SMCHD1: variants seen among roughly 807,000 people sequenced by gnomAD.
SMCHD1 encodes the protein structural maintenance of chromosomes flexible hinge domain containing 1, also known as structural maintenance of chromosomes flexible hinge domain-containing protein 1.
Under a neutral mutation model 254.7 loss-of-function variants are expected in SMCHD1, and 78 were observed. The ratio of observed to expected loss-of-function variants is 0.31; its 90% CI spans 0.26 to 0.37. SMCHD1 has a LOEUF of 0.37. Ranked by LOEUF, SMCHD1 falls within the 10% of genes least tolerant of loss-of-function variation. The pLI is 1.00. For missense variants in SMCHD1, 1,840 were observed against 2,408.1 expected (o/e 0.76, Z 4.94); for synonymous variants, 766 against 794.9 (o/e 0.96, Z 0.61).
At chr18:2,707,957 T>C (rs536997829) in intron 17 of SMCHD1, 37 bp downstream of exon 17, 3 of 1,211,084 alleles carry the variant, frequency 2.5e-6, no homozygotes, top group Non-Finnish European at 3.4e-6. Context: ...TTAATATTGT[T>C]TTTAAAATAT....
At chr18:2,756,871 G>A (rs1193246373) in intron 34 of SMCHD1, among the ~76,000 whole-genome samples, 1 of 152,080 alleles carries the variant, frequency 6.6e-6, no homozygotes, top group African/African-American at 2.4e-5. Context: ...TTTATTTTCT[G>A]TAAGATCTGT....
In SMCHD1 at chr18:2,660,256, C is replaced by T. The variant is rs549550641; in HGVS notation, c.186+3995C>T. 1.4e-4 allele frequency among the ~76,000 whole-genome samples: 21 copies of T among 152,068 alleles called. No individual in the cohort carries two copies. In the East Asian group the frequency reaches 2.1e-3, roughly 15 times the overall value. On this transcript the variant is annotated intron_variant, in intron 1 of 47. Transcript: ENST00000320876. ...GGGAGAATTACTTGAACCCGGGAGTCGGAAGTTGCAGCGAGCTGAGAACGC... is the reference window on the plus strand; with the variant it reads ...GGGAGAATTACTTGAACCCGGGAGTTGGAAGTTGCAGCGAGCTGAGAACGC...
At chr18:2,704,332 T>TTTTG (rs760486817) in intron 13 of SMCHD1, among the ~76,000 whole-genome samples, 4 of 152,168 alleles carry the variant, frequency 2.6e-5, no homozygotes, top group Non-Finnish European at 4.4e-5. Flanking sequence ...TCTCAGTGTT[T>TTTTG]TTTGTTTGTT....
At position 2,750,524 on chromosome 18, in the gene SMCHD1, C is replaced by T. The variant is rs560531170; in HGVS notation, c.4165+17C>T. 9.0e-6 allele frequency: 14 copies of T among 1,561,168 alleles called. No individual in the cohort carries two copies. In the South Asian group the frequency reaches 1.2e-4, roughly 13 times the overall value. On this transcript the variant is annotated intron_variant, in intron 32 of 47. Transcript: ENST00000320876. The stretch of plus-strand genomic sequence containing the variant: ...TTTTCACTGGTGAGTATTTCACATA[C>T]ATAAATAAATCTATAATGATAATTT...
Position 2,802,578 on chromosome 18 carries a change from GGTCTCA to G in SMCHD1, c.*29_*34del. On this transcript the variant is annotated 3_prime_UTR_variant, in exon 48 of 48. Coordinates refer to ENST00000320876, the MANE Select transcript of SMCHD1 (RefSeq NM_015295.3). ...GAGGTGACAGAGAGAAGAGGCCATT[GGTCTCA>G]GTAAGAATGCCCTGCTTTCTGCATC... The G allele has an allele frequency of 6.5e-7, 1 of 1,545,942 alleles. No individual in the cohort carries two copies. Among genetic ancestry groups the G allele is most frequent in the Non-Finnish European group, 8.7e-7 (1 of 1,144,036 alleles).
chr18:2,710,606 C>A (rs2074644723), intron 17 of SMCHD1, among the ~76,000 whole-genome samples: 1 of 152,060 alleles, frequency 6.6e-6, no homozygotes, highest in Admixed American at 6.6e-5. Flanking sequence ...CATATATGAA[C>A]ATGTCATTTA....
chr18:2,748,670 C>T (rs573447928), intron 30 of SMCHD1, among the ~76,000 whole-genome samples: 2 of 152,124 alleles, frequency 1.3e-5, no homozygotes, highest in East Asian at 1.9e-4. Flanking sequence ...GCTGGGATTA[C>T]AGGTGTGAGC....
chr18:2,731,128 C>T (rs976968940), intron 24 of SMCHD1, among the ~76,000 whole-genome samples: 1 of 152,134 alleles, frequency 6.6e-6, no homozygotes, highest in Non-Finnish European at 1.5e-5. Context: ...AAGTAAGATA[C>T]AACAGAAGAT....
At chr18:2,704,519 A>C (rs1001292786) in intron 13 of SMCHD1, among the ~76,000 whole-genome samples, 3 of 152,198 alleles carry the variant, frequency 2.0e-5, no homozygotes, top group African/African-American at 7.2e-5. Flanking sequence ...GTGTAAGCAT[A>C]AATAATAGGT....
chr18:2,722,636 CT>C lies in SMCHD1; in HGVS notation c.2577del (p.Asp860IlefsTer18). 1 of 1,611,986 alleles carries C rather than the reference CT, an allele frequency of 6.2e-7. No homozygotes were observed. Among genetic ancestry groups the C allele is most frequent in the Non-Finnish European group, 8.5e-7 (1 of 1,179,216 alleles). On this transcript the variant is annotated frameshift_variant, in exon 20 of 48. Coordinates refer to ENST00000320876, the MANE Select transcript of SMCHD1 (RefSeq NM_015295.3). LOFTEE classifies it high-confidence loss of function. ...TTTGGTCATACCAGTCAACTAGTAA[CT>C]GATATTCAGCCAGTTCTTGAAGCAA... ...DEFGHTSQLV[T>X]DIQPVLEASG... is the part of the protein sequence containing the mutation.
At position 2,700,532 on chromosome 18, in the gene SMCHD1, G is replaced by C. The variant is rs959217310; in HGVS notation, c.1343-7G>C. 35 of 1,598,772 alleles carry C rather than the reference G, an allele frequency of 2.2e-5. No individual in the cohort carries two copies. The highest frequency in any genetic ancestry group is 4.1e-5 in the African/African-American group (3 of 73,998). ...AACATTTTGTTCCATTTGCCCTTTT[G>C]ATCTAGAATTAAAAGATGAAGATGA... On this transcript the variant is annotated splice_region_variant and splice_polypyrimidine_tract_variant and intron_variant, in intron 10 of 47. Transcript: ENST00000320876.
At position 2,718,172 on chromosome 18, in the gene SMCHD1, A is replaced by G; in HGVS notation, c.2275A>G (p.Lys759Glu). ...KVILHSSSGN[K>E]EIISHISQHG... The stretch of plus-strand genomic sequence containing the variant: ...CTTTTATTAAGCTTCAAGTGGAAAT[A>G]AAGAGATTATTTCGCATATTAGTCA... Residue 759 changes from lysine (K) to glutamate (E), a missense_variant, in exon 18 of 48, where the codon AAA (lysine) becomes GAA (glutamate). Around this residue, in one of 9 missense-constraint regions of SMCHD1, gnomAD observed 498 missense variants for 743.5 expected, o/e 0.67. Coordinates refer to ENST00000320876, the MANE Select transcript of SMCHD1 (RefSeq NM_015295.3). The surrounding 1 kb of genome is among the most constrained non-coding windows in gnomAD (Gnocchi z 4.6). 1 of 1,610,292 alleles carries G rather than the reference A, an allele frequency of 6.2e-7. No homozygotes were observed. The highest frequency in any genetic ancestry group is 1.3e-5 in the African/African-American group (1 of 74,864).
chr18:2,798,524 A>G (rs1454596939), intron 47 of SMCHD1, among the ~76,000 whole-genome samples: 1 of 152,252 alleles, frequency 6.6e-6, no homozygotes, highest in East Asian at 1.9e-4. Flanking sequence ...TATATAGAAA[A>G]GACATGTGTA....
At chr18:2,747,726 G>T in intron 30 of SMCHD1, 79 bp downstream of exon 30, 3 of 1,105,504 alleles carry the variant, frequency 2.7e-6, no homozygotes, top group South Asian at 4.1e-5. Flanking sequence ...CTGTCATATT[G>T]CTTCTTTTCT....
chr18:2,726,674 C>T, intron 22 of SMCHD1, 150 bp downstream of exon 22: 1 of 348,588 alleles, frequency 2.9e-6, no homozygotes, highest in Non-Finnish European at 5.1e-6. Flanking sequence ...ACAGAAATGA[C>T]CAGTTTTTAA....
chr18:2,707,867 C>T lies in SMCHD1; in HGVS notation c.2207C>T (p.Thr736Ile). Residue 736 changes from threonine to isoleucine, a missense_variant, in exon 17 of 48, where the codon ACA becomes ATA. Physicochemically the swap from Thr to Ile is moderately conservative, Grantham distance 89. Around this residue, in one of 9 missense-constraint regions of SMCHD1, gnomAD observed 498 missense variants for 743.5 expected, o/e 0.67. Coordinates refer to ENST00000320876, the MANE Select transcript of SMCHD1 (RefSeq NM_015295.3). ...KGEAMQKLPG[T>I]SHGGSKKLLV... ...GAAGCAATGCAAAAGCTTCCAGGAA[C>T]AAGCCATGGAGGGTCAAAGAAACTC... 1 of 1,609,616 alleles carries T rather than the reference C, an allele frequency of 6.2e-7. No individual in the cohort carries two copies. The highest frequency in any genetic ancestry group is 8.5e-7 in the Non-Finnish European group (1 of 1,178,042).
chr18:2,683,113 C>T (rs2073967851), intron 5 of SMCHD1, among the ~76,000 whole-genome samples: 1 of 152,072 alleles, frequency 6.6e-6, no homozygotes, highest in African/African-American at 2.4e-5. Context: ...TGAGCTTCTC[C>T]TTTCTCTAAA....
rs1251005672 is a variant in SMCHD1, at chr18:2,669,906, C to A, written c.424+2875C>A. Among the ~76,000 whole-genome samples the A allele has an allele frequency of 3.3e-5, 5 of 152,284 alleles. No homozygotes were observed. In the East Asian group the frequency reaches 9.6e-4, roughly 29 times the overall value. ...ACTTGTATTTCTCATACCTCTCATA[C>A]CTCTTAATCTGACAGAAAATCCTTT... On this transcript the variant is annotated intron_variant, in intron 3 of 47. Coordinates refer to ENST00000320876, the MANE Select transcript of SMCHD1 (RefSeq NM_015295.3).
chr18:2,700,278 C>T (rs559564407), intron 10 of SMCHD1, among the ~76,000 whole-genome samples: 1 of 152,262 alleles, frequency 6.6e-6, no homozygotes, highest in East Asian at 1.9e-4. Flanking sequence ...ATGTAAGACT[C>T]TTTTAGCCTC....
Sources: allele counts gnomAD v4.1 joint callset (sites outside exome capture counted in the v4.1 genomes callset), GRCh38; gene constraint gnomAD v4.1.1; regional missense constraint gnomAD v4.1.1; non-coding constraint Gnocchi (gnomAD v3.1); transcripts MANE v1.5; gene names NCBI Gene and HGNC (gene_info 2026-07-23, HGNC 2026-07-21).